The following DLG2 variants were observed in gnomAD, a reference collection of about 807,000 sequenced individuals.
DLG2 encodes discs large MAGUK scaffold protein 2, also known as disks large homolog 2.
A neutral mutation model predicts 132.5 loss-of-function variants in DLG2; 45 were observed. The observed-to-expected ratio is 0.34, with a 90% confidence interval of 0.27 to 0.44. The LOEUF (loss-of-function observed/expected upper bound fraction) is 0.44. Among genes scored for constraint, DLG2 ranks in the 20% least tolerant of loss-of-function variants. The pLI is 1.00. For synonymous variants in DLG2, 424 were observed against 419.6 expected (o/e 1.01, Z -0.13); for missense variants, 1,045 against 1,196.9 (o/e 0.87, Z 1.87).
chr11:85,144,931 A>T (rs1392705180), intron 5 of DLG2, among the ~76,000 whole-genome samples: 1 of 151,900 alleles, frequency 6.6e-6, no homozygotes, highest in Non-Finnish European at 1.5e-5. Context: ...GTACCTTCAG[A>T]TTTCTTATTG....
At chr11:85,151,774 T>C (rs72961553) in intron 5 of DLG2, among the ~76,000 whole-genome samples, 8,377 of 152,274 alleles carry the variant, frequency 0.055, 337 homozygotes, top group African/African-American at 0.11. Context: ...TACCACACCA[T>C]CTTGATTACT....
chr11:83,673,260 A>T (rs773255903), intron 18 of DLG2, among the ~76,000 whole-genome samples: 1 of 152,198 alleles, frequency 6.6e-6, no homozygotes. Flanking sequence ...TTGCCACAGA[A>T]TCATTAATAA....
At chr11:84,909,078 C>G (rs540764437) in intron 6 of DLG2, among the ~76,000 whole-genome samples, 2 of 152,056 alleles carry the variant, frequency 1.3e-5, no homozygotes, top group South Asian at 4.2e-4. Context: ...CTGAATAGTC[C>G]AGAAACCTGA....
chr11:85,214,060 G>C (rs1320665951), intron 4 of DLG2, among the ~76,000 whole-genome samples: 1 of 151,992 alleles, frequency 6.6e-6, no homozygotes, highest in Non-Finnish European at 1.5e-5. Context: ...TAGTTCCAGG[G>C]CTCCGCTAAA....
intron 18 of DLG2, among the ~76,000 whole-genome samples, chr11:83,710,168 T>C (rs1241577015): frequency 1.4e-5 from 1 of 69,442 alleles, no homozygotes; most frequent in Non-Finnish European, 2.6e-5. Flanking sequence ...ATAAGGTACT[T>C]TTTTTTTTTT....
At chr11:85,437,081 A>G (rs943530724) in intron 3 of DLG2, among the ~76,000 whole-genome samples, 1 of 152,210 alleles carries the variant, frequency 6.6e-6, no homozygotes, top group African/African-American at 2.4e-5. Flanking sequence ...GTTCTCACTC[A>G]TAAGTGGGAG....
intron 16 of DLG2, among the ~76,000 whole-genome samples, chr11:83,845,298 C>T (rs1413986049): frequency 6.6e-6 from 1 of 152,114 alleles, no homozygotes; most frequent in African/African-American, 2.4e-5. Flanking sequence ...TATTAGGAAA[C>T]TTGTGAAGAG....
intron 7 of DLG2, among the ~76,000 whole-genome samples, chr11:84,451,943 G>A (rs1290539160): frequency 2.0e-5 from 3 of 151,364 alleles, no homozygotes; most frequent in Non-Finnish European, 3.0e-5. Context: ...CCTTAAGAAG[G>A]GACTGTTTGA....
At chr11:84,837,577 A>T (rs1398720465) in intron 6 of DLG2, among the ~76,000 whole-genome samples, 1 of 151,834 alleles carries the variant, frequency 6.6e-6, no homozygotes, top group Admixed American at 6.6e-5. Flanking sequence ...ACACACAAAA[A>T]GAGGCAATGA....
intron 4 of DLG2, among the ~76,000 whole-genome samples, chr11:85,198,396 T>C (rs909091486): frequency 3.9e-5 from 6 of 152,264 alleles, no homozygotes; most frequent in Non-Finnish European, 8.8e-5. Context: ...TGGCACATCA[T>C]TGAAGGATCT....
chr11:83,464,023 T>G (rs1565320978), intron 26 of DLG2, among the ~76,000 whole-genome samples: 1 of 152,206 alleles, frequency 6.6e-6, no homozygotes, highest in Non-Finnish European at 1.5e-5. Flanking sequence ...ATTTGTTGAA[T>G]GAATAGATGA....
chr11:84,357,988 G>A (rs1384973058), intron 7 of DLG2, among the ~76,000 whole-genome samples: 1 of 151,718 alleles, frequency 6.6e-6, no homozygotes, highest in Non-Finnish European at 1.5e-5. Context: ...TGAAATAAAA[G>A]ATTTCTACAT....
chr11:83,518,561 G>A (rs1183725218), intron 21 of DLG2, among the ~76,000 whole-genome samples: 2 of 152,184 alleles, frequency 1.3e-5, no homozygotes, highest in Non-Finnish European at 2.9e-5. Context: ...ACAATCCCCA[G>A]TGAGATGAAC....
intron 18 of DLG2, chr11:83,684,523 A>G (rs1053287117): frequency 6.6e-6 from 1 of 152,182 alleles, no homozygotes; most frequent in Non-Finnish European, 1.5e-5. Flanking sequence ...ACCATACTTA[A>G]TAGTAGGTAC....
chr11:83,948,994 A>T (rs2084757371), intron 14 of DLG2, among the ~76,000 whole-genome samples: 1 of 152,222 alleles, frequency 6.6e-6, no homozygotes, highest in South Asian at 2.1e-4. Flanking sequence ...TTTATGGAAA[A>T]TACTTAGCAT....
chr11:85,030,329 T>C (rs1202213915), intron 6 of DLG2, among the ~76,000 whole-genome samples: 2 of 152,346 alleles, frequency 1.3e-5, no homozygotes, highest in East Asian at 3.9e-4. Flanking sequence ...GACTCTTTTA[T>C]CCAGCTGACT....
intron 4 of DLG2, among the ~76,000 whole-genome samples, chr11:85,211,880 T>C (rs917048630): frequency 2.0e-5 from 3 of 152,098 alleles, no homozygotes; most frequent in Non-Finnish European, 4.4e-5. Flanking sequence ...GAAAACTACA[T>C]CTATTATATT....
At chr11:85,085,834 A>G (rs991158808) in intron 6 of DLG2, among the ~76,000 whole-genome samples, 1 of 152,128 alleles carries the variant, frequency 6.6e-6, no homozygotes, top group Non-Finnish European at 1.5e-5. Context: ...TTGCCTTCCT[A>G]GAAAAGTGCT....
intron 6 of DLG2, among the ~76,000 whole-genome samples, chr11:84,821,642 C>A (rs72947861): frequency 0.68 from 78,291 of 115,040 alleles, 23,124 homozygotes; most frequent in Non-Finnish European, 0.75. Context: ...AAAAAAAAAA[C>A]AACAACAACA....
Sources: gnomAD v4.1 joint callset for allele counts (sites outside exome capture counted in the v4.1 genomes callset) on GRCh38, gnomAD v4.1.1 for gene constraint, MANE v1.5 for transcripts, NCBI Gene and HGNC (gene_info 2026-07-23, HGNC 2026-07-21) for gene names.